The following PTPRM variants were observed in gnomAD, a reference collection of about 807,000 sequenced individuals.
The protein encoded by PTPRM is receptor-type tyrosine-protein phosphatase mu.
A neutral mutation model predicts 186.7 loss-of-function variants in PTPRM; 47 were observed. The ratio of observed to expected loss-of-function variants is 0.25; its 90% CI spans 0.20 to 0.32. The LOEUF is 0.32. Ranked by LOEUF, PTPRM falls within the 10% of genes least tolerant of loss-of-function variation. The probability of loss-of-function intolerance (pLI) is 1.00; values close to 1 mark genes in which losing one functional copy is unlikely to be tolerated. For missense variants in PTPRM, 1,494 were observed against 1,865.0 expected, an observed-to-expected ratio of 0.80 and a Z score of 3.66; for synonymous variants, 668 against 674.9, an observed-to-expected ratio of 0.99 and a Z score of 0.16.
At chr18:7,706,679 A>G (rs551729219) in intron 1 of PTPRM, among the ~76,000 whole-genome samples, 1 of 151,130 alleles carries the variant, frequency 6.6e-6, no homozygotes, top group African/African-American at 2.4e-5. Flanking sequence ...AAGGGATTGG[A>G]AACCAAGATT....
chr18:7,789,115 A>G (rs2043219421), intron 2 of PTPRM, among the ~76,000 whole-genome samples: 1 of 152,168 alleles, frequency 6.6e-6, no homozygotes, highest in South Asian at 2.1e-4. Context: ...TGAGCCCAGA[A>G]GTTCAGTACC....
intron 14 of PTPRM, among the ~76,000 whole-genome samples, chr18:8,223,345 A>C (rs1436513802): frequency 6.6e-6 from 1 of 152,226 alleles, no homozygotes; most frequent in East Asian, 1.9e-4. Context: ...TATCAAAATG[A>C]AATGTTAAGG....
At chr18:7,733,318 A>G (rs1295624997) in intron 1 of PTPRM, among the ~76,000 whole-genome samples, 4 of 152,034 alleles carry the variant, frequency 2.6e-5, no homozygotes, top group Non-Finnish European at 5.9e-5. Flanking sequence ...GCTCCCACTT[A>G]TAAATGAGAA....
chr18:7,737,329 C>A (rs369527729), intron 1 of PTPRM, among the ~76,000 whole-genome samples: 2 of 143,252 alleles, frequency 1.4e-5, no homozygotes, highest in Admixed American at 7.0e-5. Context: ...ACTCCTGACC[C>A]CGTGATCCAC....
chr18:7,994,016 A>G (rs886244474), intron 7 of PTPRM, among the ~76,000 whole-genome samples: 7 of 152,084 alleles, frequency 4.6e-5, no homozygotes, highest in Admixed American at 2.6e-4. Context: ...ATATGGACTC[A>G]CTGAATGGAT....
chr18:8,061,391 G>A (rs968728057), intron 7 of PTPRM, among the ~76,000 whole-genome samples: 6 of 142,434 alleles, frequency 4.2e-5, no homozygotes, highest in African/African-American at 1.4e-4. Context: ...GCACACTGAT[G>A]GGTCTTGACT....
intron 19 of PTPRM, among the ~76,000 whole-genome samples, chr18:8,281,416 C>G (rs536148851): frequency 2.0e-5 from 3 of 152,260 alleles, no homozygotes; most frequent in African/African-American, 7.2e-5. Flanking sequence ...TTAGGGACTC[C>G]AAAATCACTT....
At chr18:7,900,894 G>A (rs1320094319) in intron 3 of PTPRM, among the ~76,000 whole-genome samples, 1 of 152,110 alleles carries the variant, frequency 6.6e-6, no homozygotes, top group African/African-American at 2.4e-5. Context: ...CTTGGTACAT[G>A]GCTCCATAAG....
At chr18:7,582,233 G>C (rs1049401246) in intron 1 of PTPRM, among the ~76,000 whole-genome samples, 1 of 152,150 alleles carries the variant, frequency 6.6e-6, no homozygotes, top group Non-Finnish European at 1.5e-5. Context: ...TGCCTCTGCT[G>C]ACCTAAGTTG....
intron 1 of PTPRM, among the ~76,000 whole-genome samples, chr18:7,706,112 C>G (rs985977463): frequency 1.3e-5 from 2 of 151,152 alleles, no homozygotes; most frequent in Admixed American, 1.3e-4. Context: ...TTTTGATTCT[C>G]TATTCTTAAA....
intron 1 of PTPRM, among the ~76,000 whole-genome samples, chr18:7,636,016 G>C (rs369845890): frequency 6.6e-6 from 1 of 152,228 alleles, no homozygotes; most frequent in Non-Finnish European, 1.5e-5. Flanking sequence ...GAGCAGTGGA[G>C]AGAATGAGAG....
intron 1 of PTPRM, among the ~76,000 whole-genome samples, chr18:7,595,260 T>G (rs937489453): frequency 6.6e-6 from 1 of 152,176 alleles, no homozygotes; most frequent in Non-Finnish European, 1.5e-5. Flanking sequence ...ACAGGTATTG[T>G]GTGGGGAGCC....
At chr18:7,665,789 G>A (rs1434960492) in intron 1 of PTPRM, among the ~76,000 whole-genome samples, 3 of 152,046 alleles carry the variant, frequency 2.0e-5, no homozygotes, top group Non-Finnish European at 4.4e-5. Context: ...GGGTGTGGTG[G>A]TGCATGCCTA....
intron 11 of PTPRM, among the ~76,000 whole-genome samples, chr18:8,103,366 C>T (rs759781237): frequency 2.0e-5 from 3 of 152,244 alleles, no homozygotes; most frequent in Non-Finnish European, 4.4e-5. Flanking sequence ...TTGTCACCCT[C>T]ATCAATGACT....
chr18:8,081,674 T>TA (rs1319850881), intron 9 of PTPRM, among the ~76,000 whole-genome samples: 3 of 152,156 alleles, frequency 2.0e-5, no homozygotes, highest in African/African-American at 7.2e-5. Flanking sequence ...GTTGTAGAGT[T>TA]AGAGTGCCCC....
intron 11 of PTPRM, among the ~76,000 whole-genome samples, chr18:8,105,198 T>G (rs2091461884): frequency 6.6e-6 from 1 of 152,218 alleles, no homozygotes. Context: ...TTATTATTAC[T>G]TACTGTTGCT....
In PTPRM at chr18:8,244,074, C is replaced by T; in HGVS notation, c.2317C>T (p.Arg773Trp). The change falls in exon 15 of 33, where the codon CGG (arginine) becomes TGG (tryptophan). Residue 773 changes from arginine (R) to tryptophan (W), a missense_variant. Physicochemically the swap from Arg to Trp is moderately radical, Grantham distance 101 (BLOSUM62 -3). Transcript: ENST00000580170. ...TATCCTAAGGAAACTGGCCAAGAAG[C>T]GGAAAGAGACCATGAGCAGCACCCG... Reference protein sequence around the residue: ...VMKKRKLAKKRKETMSSTRQE... With the variant: ...VMKKRKLAKKWKETMSSTRQE... 1.9e-6 allele frequency: 3 copies of T among 1,608,590 alleles called. No individual in the cohort carries two copies. Among genetic ancestry groups the T allele is most frequent in the South Asian group, 2.2e-5 (2 of 89,608 alleles).
chr18:8,394,044 G>A (rs1439911728), intron 31 of PTPRM, among the ~76,000 whole-genome samples: 3 of 152,138 alleles, frequency 2.0e-5, no homozygotes, highest in Non-Finnish European at 4.4e-5. Flanking sequence ...CACCCACCTT[G>A]GCCTCCCAAA....
intron 14 of PTPRM, among the ~76,000 whole-genome samples, chr18:8,160,400 A>C (rs564531184): frequency 2.7e-3 from 417 of 152,116 alleles, no homozygotes; most frequent in African/African-American, 9.6e-3. Context: ...CCCCGTCTCA[A>C]CCTCCCAAGT....
Sources: allele counts gnomAD v4.1 joint callset (sites outside exome capture counted in the v4.1 genomes callset), GRCh38; gene constraint gnomAD v4.1.1; transcripts MANE v1.5; gene names NCBI Gene and HGNC (gene_info 2026-07-23, HGNC 2026-07-21).